The following ITGBL1 variants were observed in gnomAD, a reference collection of about 807,000 sequenced individuals.
ITGBL1 encodes integrin subunit beta like 1, also known as integrin beta-like protein 1.
In ITGBL1, 51 loss-of-function variants were observed where a neutral mutation model predicts 68.5. That is an observed-to-expected ratio of 0.74 (90% CI 0.59 to 0.94). ITGBL1 has a LOEUF of 0.94. Among genes scored for constraint, ITGBL1 ranks in the 40% least tolerant of loss-of-function variants. The pLI is 0.00. For synonymous variants in ITGBL1, 209 were observed against 227.3 expected (o/e 0.92, Z 0.72); for missense variants, 649 against 647.4 (o/e 1.00, Z -0.03).
At chr13:101,530,728 C>T (rs1374350509) in intron 2 of ITGBL1, among the ~76,000 whole-genome samples, 1 of 152,160 alleles carries the variant, frequency 6.6e-6, no homozygotes, top group Non-Finnish European at 1.5e-5. Context: ...AATTAACACA[C>T]ACATTAAATC....
intron 4 of ITGBL1, among the ~76,000 whole-genome samples, chr13:101,576,412 T>C (rs2050360236): frequency 6.6e-6 from 1 of 152,134 alleles, no homozygotes; most frequent in South Asian, 2.1e-4. Context: ...GAGTTCCCAT[T>C]TGCAACCTTG....
chr13:101,527,344 A>G (rs1460105180), intron 2 of ITGBL1, among the ~76,000 whole-genome samples: 1 of 152,138 alleles, frequency 6.6e-6, no homozygotes, highest in Non-Finnish European at 1.5e-5. Flanking sequence ...TATAAAAGGA[A>G]TGTTGTACAT....
At chr13:101,685,525 A>C (rs1313674346) in intron 7 of ITGBL1, among the ~76,000 whole-genome samples, 2 of 152,074 alleles carry the variant, frequency 1.3e-5, no homozygotes, top group African/African-American at 4.8e-5. Flanking sequence ...ATTAAATTGC[A>C]CTTAAACTAT....
chr13:101,620,050 A>G (rs1365813688), intron 7 of ITGBL1, among the ~76,000 whole-genome samples: 2 of 152,200 alleles, frequency 1.3e-5, no homozygotes, highest in Non-Finnish European at 1.5e-5. Context: ...ACCAAGCATA[A>G]TATGCATTAT....
intron 7 of ITGBL1, among the ~76,000 whole-genome samples, chr13:101,623,782 G>C (rs547487381): frequency 6.6e-6 from 1 of 152,346 alleles, no homozygotes; most frequent in East Asian, 1.9e-4. Context: ...CATTAGGTGA[G>C]ATCATCAGGG....
chr13:101,505,504 G>A (rs757881631), intron 2 of ITGBL1, among the ~76,000 whole-genome samples: 5 of 152,116 alleles, frequency 3.3e-5, no homozygotes, highest in Non-Finnish European at 7.4e-5. Flanking sequence ...GGATTTAGGG[G>A]AGTAATAATG....
intron 2 of ITGBL1, among the ~76,000 whole-genome samples, chr13:101,481,000 A>ATGTG (rs1491406408): frequency 7.8e-6 from 1 of 128,042 alleles, no homozygotes; most frequent in Non-Finnish European, 1.6e-5. Flanking sequence ...ATGCCAAAAG[A>ATGTG]TATGTGTGTG....
intron 9 of ITGBL1, 146 bp downstream of exon 9, chr13:101,707,048 G>A: frequency 2.6e-6 from 2 of 761,212 alleles, no homozygotes; most frequent in African/African-American, 1.7e-5. Context: ...GAAGCTTGAA[G>A]ATTAACCAAA....
At chr13:101,525,697 T>C (rs959526256) in intron 2 of ITGBL1, among the ~76,000 whole-genome samples, 1 of 152,126 alleles carries the variant, frequency 6.6e-6, no homozygotes, top group African/African-American at 2.4e-5. Flanking sequence ...TTACTATTTC[T>C]ATTTTAATTT....
At chr13:101,701,393 C>T (rs1484915950) in intron 8 of ITGBL1, among the ~76,000 whole-genome samples, 2 of 151,974 alleles carry the variant, frequency 1.3e-5, no homozygotes, top group East Asian at 1.9e-4. Context: ...ATTAGCTGGG[C>T]GTGGTGGCAC....
At chr13:101,654,498 G>A (rs574592844) in intron 7 of ITGBL1, among the ~76,000 whole-genome samples, 1 of 152,260 alleles carries the variant, frequency 6.6e-6, no homozygotes, top group East Asian at 1.9e-4. Context: ...AAAGGTTTGA[G>A]ATTTGGAATA....
chr13:101,616,343 G>A (rs1051548450), intron 7 of ITGBL1, among the ~76,000 whole-genome samples: 16 of 152,144 alleles, frequency 1.1e-4, no homozygotes, highest in African/African-American at 3.9e-4. Context: ...TTATTTGTAA[G>A]TAGATCTCCA....
chr13:101,607,605 A>G (rs1428193593), intron 7 of ITGBL1, among the ~76,000 whole-genome samples: 2 of 151,954 alleles, frequency 1.3e-5, no homozygotes, highest in South Asian at 4.1e-4. Flanking sequence ...TGGAATACAT[A>G]GGTTTAAATG....
intron 3 of ITGBL1, among the ~76,000 whole-genome samples, chr13:101,568,359 T>C (rs1343145705): frequency 1.3e-5 from 2 of 152,186 alleles, no homozygotes; most frequent in Non-Finnish European, 2.9e-5. Flanking sequence ...GAAAATATTT[T>C]TTACAAAATT....
intron 2 of ITGBL1, among the ~76,000 whole-genome samples, chr13:101,514,463 T>G (rs2049164562): frequency 6.6e-6 from 1 of 152,094 alleles, no homozygotes; most frequent in African/African-American, 2.4e-5. Flanking sequence ...TTATTTTTTT[T>G]GGTTAGGAAT....
At chr13:101,454,147 T>C (rs1386322075) in intron 2 of ITGBL1, 47 bp downstream of exon 2, 15 of 1,393,890 alleles carry the variant, frequency 1.1e-5, no homozygotes, top group Non-Finnish European at 1.4e-5. Context: ...GAAACTCCTC[T>C]TCTGGGATTT....
intron 2 of ITGBL1, among the ~76,000 whole-genome samples, chr13:101,459,102 A>C (rs1040111479): frequency 1.3e-5 from 2 of 152,152 alleles, no homozygotes; most frequent in African/African-American, 4.8e-5. Flanking sequence ...CAGATAACCA[A>C]ATCCATGACT....
intron 2 of ITGBL1, among the ~76,000 whole-genome samples, chr13:101,544,063 A>G (rs1437343908): frequency 1.3e-5 from 2 of 152,168 alleles, no homozygotes; most frequent in Admixed American, 1.3e-4. Flanking sequence ...CATCAAAGTC[A>G]TTCTCCATCT....
intron 2 of ITGBL1, among the ~76,000 whole-genome samples, chr13:101,561,322 C>T (rs1003161656): frequency 1.3e-5 from 2 of 152,088 alleles, no homozygotes; most frequent in African/African-American, 4.8e-5. Flanking sequence ...AGAGGAGCAG[C>T]TCCTCCAGGA....
Sources: allele counts gnomAD v4.1 joint callset (sites outside exome capture counted in the v4.1 genomes callset), GRCh38; gene constraint gnomAD v4.1.1; transcripts MANE v1.5; gene names NCBI Gene and HGNC (gene_info 2026-07-23, HGNC 2026-07-21).